The following ITSN1 variants were observed in gnomAD, a reference collection of about 807,000 sequenced individuals.
ITSN1 encodes intersectin 1, also known as intersectin-1.
Under a neutral mutation model 239.8 loss-of-function variants are expected in ITSN1, and 58 were observed. That is an observed-to-expected ratio of 0.24 (90% CI 0.20 to 0.30). The LOEUF (loss-of-function observed/expected upper bound fraction) is 0.30. Among genes scored for constraint, ITSN1 ranks in the 10% least tolerant of loss-of-function variants. The probability of loss-of-function intolerance (pLI) is 1.00; values close to 1 mark genes in which losing one functional copy is unlikely to be tolerated. For missense variants in ITSN1, 1,558 were observed against 2,103.3 expected, an observed-to-expected ratio of 0.74 and a Z score of 5.07; for synonymous variants, 780 against 770.8, an observed-to-expected ratio of 1.01 and a Z score of -0.20.
chr21:33,727,259 T>G (rs1358555028), intron 4 of ITSN1, among the ~76,000 whole-genome samples: 3 of 151,940 alleles, frequency 2.0e-5, no homozygotes, highest in African/African-American at 7.3e-5. Flanking sequence ...TGCTATGATG[T>G]GGAGGGGAGG....
intron 5 of ITSN1, among the ~76,000 whole-genome samples, chr21:33,746,009 G>C (rs2067156243): frequency 6.6e-6 from 1 of 152,186 alleles, no homozygotes; most frequent in Admixed American, 6.5e-5. Flanking sequence ...AAGCCTTACT[G>C]ACTTGAGGTG....
At chr21:33,754,957 A>C (rs887313075) in intron 7 of ITSN1, among the ~76,000 whole-genome samples, 3 of 152,222 alleles carry the variant, frequency 2.0e-5, no homozygotes, top group Non-Finnish European at 4.4e-5. Flanking sequence ...AGAAATTAGA[A>C]TAGCCTGGAC....
In ITSN1 at chr21:33,691,768, G is replaced by C. The variant is rs572426450; in HGVS notation, c.-32-27029G>C. Among the ~76,000 whole-genome samples, 344 of 152,298 alleles carry C rather than the reference G, an allele frequency of 2.3e-3. 2 individuals carry two copies. Among genetic ancestry groups the C allele is most frequent in the African/African-American group, 8.1e-3 (335 of 41,560 alleles). The stretch of plus-strand genomic sequence containing the variant: ...GTGGTGTGCAGACAGTCACCTTCCT[G>C]CTGGCAGAAGGAGAGATCATCTCTC... On this transcript the variant is annotated intron_variant, in intron 1 of 39. Transcript: ENST00000381318.
rs1350895436 is a variant in ITSN1, at chr21:33,899,498, A to T, written c.*11198A>T. 4 of 152,226 alleles carry T rather than the reference A, an allele frequency of 2.6e-5. No homozygotes were observed. Among genetic ancestry groups the T allele is most frequent in the African/African-American group, 9.6e-5 (4 of 41,456 alleles). 9.4% of individuals were successfully genotyped at this position (152,226 alleles called of 1,614,324 possible). A position where few individuals can be genotyped will look rare whatever the true frequency, so the allele number is the denominator to read the frequency against. On this transcript the variant is annotated 3_prime_UTR_variant, in exon 40 of 40. Transcript: ENST00000381318. ...TATGTAATGTTAATGGAATTCTAAGAATTACTAGACACTATTATAAATTGT... is the reference window on the plus strand; with the variant it reads ...TATGTAATGTTAATGGAATTCTAAGTATTACTAGACACTATTATAAATTGT...
At chr21:33,715,843 A>G (rs1209582993) in intron 1 of ITSN1, among the ~76,000 whole-genome samples, 1 of 152,134 alleles carries the variant, frequency 6.6e-6, no homozygotes, top group African/African-American at 2.4e-5. Flanking sequence ...GCTTGAACCC[A>G]GGAGGTGGAG....
intron 16 of ITSN1, among the ~76,000 whole-genome samples, chr21:33,784,227 A>T (rs1365590828): frequency 6.6e-6 from 1 of 150,492 alleles, no homozygotes; most frequent in Non-Finnish European, 1.5e-5. Flanking sequence ...TAATCCCAGC[A>T]CTTTGGGAGG....
chr21:33,783,491 A>G (rs773486503), intron 16 of ITSN1, among the ~76,000 whole-genome samples: 1 of 152,258 alleles, frequency 6.6e-6, no homozygotes, highest in African/African-American at 2.4e-5. Flanking sequence ...TCATGCTTAC[A>G]TGGTGTGTGT....
chr21:33,750,133 T>C lies in ITSN1; in HGVS notation c.347-10T>C, dbSNP rs923946035. 1.2e-6 allele frequency: 2 copies of C among 1,613,452 alleles called. No homozygotes were observed. The highest frequency in any genetic ancestry group is 1.7e-5 in the Admixed American group (1 of 59,918). On this transcript the variant is annotated splice_polypyrimidine_tract_variant and intron_variant, in intron 5 of 39. Transcript: ENST00000381318. ...GATGTGAATGGTGTTGAGCTGTTTT[T>C]TCTTCATAGGTATGGGAGGTATCGC...
Position 33,888,322 on chromosome 21 carries a change from C to G in ITSN1, c.*22C>G. The G allele has an allele frequency of 6.3e-7, 1 of 1,598,966 alleles. No individual in the cohort carries two copies. Among genetic ancestry groups the G allele is most frequent in the Non-Finnish European group, 8.5e-7 (1 of 1,171,516 alleles). ...GTAGGCAGCGGGCTCAGGGTGTGCT[C>G]AGCAGGGTCCCAGCCCACGGCCACA... On this transcript the variant is annotated 3_prime_UTR_variant, in exon 40 of 40. Transcript: ENST00000381318.
At chr21:33,828,362 G>C (rs751445477) in intron 26 of ITSN1, among the ~76,000 whole-genome samples, 13 of 152,208 alleles carry the variant, frequency 8.5e-5, no homozygotes, top group Admixed American at 6.5e-4. Context: ...CAGAGCCTAG[G>C]CTGGGCCAGT....
intron 1 of ITSN1, among the ~76,000 whole-genome samples, chr21:33,688,968 A>T (rs2091379957): frequency 6.6e-6 from 1 of 152,062 alleles, no homozygotes; most frequent in African/African-American, 2.4e-5. Context: ...AATTACAAGC[A>T]CGCCCGGCTA....
At position 33,858,848 on chromosome 21, in the gene ITSN1, C is replaced by T. The variant is rs930029565; in HGVS notation, c.3890+56C>T. On this transcript the variant is annotated intron_variant, in intron 31 of 39. Coordinates refer to ENST00000381318, the MANE Select transcript of ITSN1 (RefSeq NM_003024.3). ...TTGGCCTCCTCGGCTCTCATGCACT[C>T]GCACCTCTGTGGGTCTGTGTGTCCT... The T allele has an allele frequency of 1.7e-5, 17 of 986,968 alleles. No individual in the cohort carries two copies. In the African/African-American group the frequency reaches 1.8e-4, roughly 10 times the overall value. 61.1% of individuals were successfully genotyped at this position (986,968 alleles called of 1,614,324 possible).
intron 36 of ITSN1, among the ~76,000 whole-genome samples, chr21:33,884,423 T>A (rs1297622846): frequency 6.6e-6 from 1 of 152,284 alleles, no homozygotes; most frequent in South Asian, 2.1e-4. Flanking sequence ...TTTGCTTCAA[T>A]CTGTCTTCAA....
intron 1 of ITSN1, among the ~76,000 whole-genome samples, chr21:33,646,945 CA>C (rs1034322580): frequency 1.3e-5 from 2 of 151,136 alleles, no homozygotes; most frequent in African/African-American, 2.4e-5. Flanking sequence ...ATGATTGTGC[CA>C]CTGCACTCTA....
intron 36 of ITSN1, among the ~76,000 whole-genome samples, 153 bp from the exon 37 acceptor site, chr21:33,884,888 G>A (rs575391856): frequency 3.3e-5 from 5 of 152,286 alleles, no homozygotes; most frequent in East Asian, 1.9e-4. Context: ...AAGTATTAGC[G>A]TCACGTGACA....
chr21:33,800,256 T>C (rs2071878731), intron 19 of ITSN1, among the ~76,000 whole-genome samples: 1 of 151,850 alleles, frequency 6.6e-6, no homozygotes, highest in Admixed American at 6.6e-5. Context: ...ATACATATAT[T>C]TTATATATGA....
intron 1 of ITSN1, among the ~76,000 whole-genome samples, chr21:33,648,302 A>G (rs186860081): frequency 2.0e-4 from 30 of 152,348 alleles, no homozygotes; most frequent in Non-Finnish European, 3.8e-4. Context: ...CTCTCATCTT[A>G]CAGATGCCTT....
In ITSN1 at chr21:33,823,623, TTC is replaced by T; in HGVS notation, c.3155_3156del (p.Ser1052Ter). The T allele has an allele frequency of 6.2e-7, 1 of 1,614,134 alleles. No individual in the cohort carries two copies. The highest frequency in any genetic ancestry group is 8.5e-7 in the Non-Finnish European group (1 of 1,180,008). ...TVGDKAGVFPSNYVRLKDSEG... is the reference protein window; with the variant it reads ...TVGDKAGVFPXNYVRLKDSEG... ...TGGGCGACAAGGCCGGAGTCTTCCC[TTC>T]TAACTATGTGAGGCTTAAAGATTCA... On this transcript the variant is annotated frameshift_variant, in exon 25 of 40. Coordinates refer to ENST00000381318, the MANE Select transcript of ITSN1 (RefSeq NM_003024.3). LOFTEE classifies it high-confidence loss of function.
intron 10 of ITSN1, among the ~76,000 whole-genome samples, chr21:33,767,420 A>G (rs559411329): frequency 6.6e-6 from 1 of 152,256 alleles, no homozygotes; most frequent in African/African-American, 2.4e-5. Flanking sequence ...AGTGCTCACC[A>G]TGTCCCAGGC....
Sources: gnomAD v4.1 joint callset for allele counts (sites outside exome capture counted in the v4.1 genomes callset) on GRCh38, gnomAD v4.1.1 for gene constraint, MANE v1.5 for transcripts, NCBI Gene and HGNC (gene_info 2026-07-23, HGNC 2026-07-21) for gene names.